The following AP2B1 variants were observed in gnomAD, a reference collection of about 807,000 sequenced individuals.
AP2B1 encodes the protein AP-2 complex subunit beta.
Under a neutral mutation model 102.0 loss-of-function variants are expected in AP2B1, and 23 were observed. That is an observed-to-expected ratio of 0.23 (90% CI 0.16 to 0.32). The LOEUF (loss-of-function observed/expected upper bound fraction) is 0.32, where lower values mean the gene tolerates loss of function less well. Among genes scored for constraint, AP2B1 ranks in the 10% least tolerant of loss-of-function variants. The pLI is 1.00. For synonymous variants in AP2B1, 381 were observed against 421.2 expected, an observed-to-expected ratio of 0.90 and a Z score of 1.17; for missense variants, 541 against 1,157.4, an observed-to-expected ratio of 0.47 and a Z score of 7.73.
At chr17:35,646,748 C>G (rs1352657978) in intron 12 of AP2B1, among the ~76,000 whole-genome samples, 1 of 151,990 alleles carries the variant, frequency 6.6e-6, no homozygotes, top group Non-Finnish European at 1.5e-5. Context: ...GCCACCATGC[C>G]TGGCTAATTT....
chr17:35,605,641 C>A, intron 3 of AP2B1, 64 bp from the exon 4 acceptor site: 1 of 1,164,784 alleles, frequency 8.6e-7, no homozygotes, highest in South Asian at 1.4e-5. Flanking sequence ...TATTCATGTT[C>A]TGTCCAACAG....
At chr17:35,603,361 T>G (rs1230885626) in intron 3 of AP2B1, among the ~76,000 whole-genome samples, 1 of 152,354 alleles carries the variant, frequency 6.6e-6, no homozygotes, top group East Asian at 1.9e-4. Flanking sequence ...ACAGTTATCC[T>G]ATATTGTAAA....
intron 1 of AP2B1, among the ~76,000 whole-genome samples, chr17:35,589,766 G>T (rs570947855): frequency 6.6e-6 from 1 of 152,286 alleles, no homozygotes; most frequent in East Asian, 1.9e-4. Context: ...TAGAAAGGTA[G>T]TGTGAGTTCA....
At chr17:35,590,198 G>A (rs368684062) in intron 1 of AP2B1, among the ~76,000 whole-genome samples, 4 of 152,246 alleles carry the variant, frequency 2.6e-5, no homozygotes, top group African/African-American at 9.6e-5. Flanking sequence ...GATTACAGGC[G>A]TGAGCCACCG....
intron 21 of AP2B1, among the ~76,000 whole-genome samples, chr17:35,720,026 C>A (rs2085309823): frequency 6.6e-6 from 1 of 152,146 alleles, no homozygotes; most frequent in African/African-American, 2.4e-5. Flanking sequence ...CCACCAAGTA[C>A]TTGAAAGATG....
intron 2 of AP2B1, among the ~76,000 whole-genome samples, chr17:35,595,402 C>G (rs115246842): frequency 6.6e-6 from 1 of 152,000 alleles, no homozygotes; most frequent in Admixed American, 6.5e-5. Flanking sequence ...TAAAAATTAG[C>G]CCTGTACGGT....
At chr17:35,694,411 C>CTT (rs11463088) in intron 18 of AP2B1, among the ~76,000 whole-genome samples, 1 of 9,206 alleles carries the variant, frequency 1.1e-4, no homozygotes, top group Non-Finnish European at 1.9e-4. Context: ...ACCTAGCTGA[C>CTT]TTTTTTTTTT....
chr17:35,701,929 A>C (rs1329253649), intron 18 of AP2B1, among the ~76,000 whole-genome samples: 1 of 152,206 alleles, frequency 6.6e-6, no homozygotes, highest in African/African-American at 2.4e-5. Context: ...GCCCCATAGA[A>C]CTTTTAAGTT....
intron 20 of AP2B1, among the ~76,000 whole-genome samples, chr17:35,712,410 C>T (rs974560611): frequency 1.3e-5 from 2 of 152,194 alleles, no homozygotes; most frequent in African/African-American, 4.8e-5. Flanking sequence ...GGGCAGATCA[C>T]GAGGTCAGGA....
At chr17:35,711,085 T>G (rs1053932609) in intron 20 of AP2B1, among the ~76,000 whole-genome samples, 5 of 152,294 alleles carry the variant, frequency 3.3e-5, no homozygotes, top group African/African-American at 1.2e-4. Flanking sequence ...CAGCTATTAG[T>G]CCCTTGGGCT....
intron 1 of AP2B1, among the ~76,000 whole-genome samples, chr17:35,593,601 A>C (rs71381461): frequency 0.073 from 11,108 of 152,064 alleles, 466 homozygotes; most frequent in Middle Eastern, 0.11. Flanking sequence ...TTTTCTTTTG[A>C]CCTTACACTG....
Position 35,697,082 on chromosome 17 carries a change from T to A in AP2B1, c.2455-12142T>A, listed in dbSNP as rs887681367. Among the ~76,000 whole-genome samples the A allele has an allele frequency of 8.5e-5, 13 of 152,370 alleles. No homozygotes were observed. In the South Asian group the frequency reaches 2.7e-3, roughly 32 times the overall value. ...CCCTAAACACAGCCTCTGCCTGTTG[T>A]TTCTCAGCAGCCTTGCGTTCTATCC... On this transcript the variant is annotated intron_variant, in intron 18 of 21. Transcript: ENST00000610402.
At chr17:35,588,066 CT>C (rs11312845) in intron 1 of AP2B1, among the ~76,000 whole-genome samples, 121,506 of 144,948 alleles carry the variant, frequency 0.84, 50,809 homozygotes, top group East Asian at 0.89. Flanking sequence ...AACCCAGCAT[CT>C]TTTTTTTTTT....
chr17:35,674,004 C>T (rs551701043), intron 16 of AP2B1, among the ~76,000 whole-genome samples, 172 bp from the exon 17 acceptor site: 6 of 152,178 alleles, frequency 3.9e-5, no homozygotes, highest in South Asian at 2.1e-4. Flanking sequence ...AGACTCTATC[C>T]GGAGTCTTTT....
rs1002704569 is a variant in AP2B1, at chr17:35,710,858, T to C, written c.2626+538T>C. Reference sequence around the variant, plus strand: ...GGCCAAGATGGCAGGATCTCTTGAGTCCAGTTCAAGACCAGCCTGGACAAC... The same window carrying C: ...GGCCAAGATGGCAGGATCTCTTGAGCCCAGTTCAAGACCAGCCTGGACAAC... On this transcript the variant is annotated intron_variant, in intron 20 of 21. Coordinates refer to ENST00000610402, the MANE Select transcript of AP2B1 (RefSeq NM_001030006.2). Among the ~76,000 whole-genome samples, 6 of 151,946 alleles carry C rather than the reference T, an allele frequency of 3.9e-5. No homozygotes were observed. The East Asian group carries it at 1.2e-3, about 29-fold the overall frequency.
chr17:35,666,612 G>T (rs2075470747), intron 14 of AP2B1, among the ~76,000 whole-genome samples: 2 of 152,058 alleles, frequency 1.3e-5, no homozygotes, highest in African/African-American at 2.4e-5. Context: ...GCAATCCTGG[G>T]AACAATAGTG....
rs1167550201 is a variant in AP2B1 at position 35,680,686 on chromosome 17, G to GTTTTTTTTTT, written c.2325-2005_2325-1996dup. Among the ~76,000 whole-genome samples, 67 of 59,898 alleles carry GTTTTTTTTTT rather than the reference G, an allele frequency of 1.1e-3. 1 individual carries two copies. The highest frequency in any genetic ancestry group is 0.01 in the Middle Eastern group (1 of 100). The allele number at this position is 59,898 out of a possible 152,430, so 39.3% of individuals were successfully genotyped here. On this transcript the variant is annotated intron_variant, in intron 17 of 21. Transcript: ENST00000610402. Reference sequence around the variant, plus strand: ...CCACCATGCCCAGTCTATGGTTTTGGTTTTTTTTTTTTTGTTTTTTTTTTT... The same window carrying GTTTTTTTTTT: ...CCACCATGCCCAGTCTATGGTTTTGGTTTTTTTTTTTTTTTTTTTTTTTGTTTTTTTTTTT...
At chr17:35,704,017 G>T (rs1056895184) in intron 18 of AP2B1, among the ~76,000 whole-genome samples, 3 of 152,124 alleles carry the variant, frequency 2.0e-5, no homozygotes, top group African/African-American at 4.8e-5. Context: ...TACCTGTTGG[G>T]ATAGTGAATT....
chr17:35,627,244 G>A, intron 7 of AP2B1, 141 bp from the exon 8 acceptor site: 1 of 478,488 alleles, frequency 2.1e-6, no homozygotes, highest in Non-Finnish European at 3.2e-6. Context: ...GGAAGTTTAT[G>A]CTTTTTTTTT....
Sources: gnomAD v4.1 joint callset for allele counts (sites outside exome capture counted in the v4.1 genomes callset) on GRCh38, gnomAD v4.1.1 for gene constraint, MANE v1.5 for transcripts, NCBI Gene and HGNC (gene_info 2026-07-23, HGNC 2026-07-21) for gene names.